Variants in OR7E24 observed in about 807,000 individuals in gnomAD.
The protein encoded by OR7E24 is olfactory receptor 7E24.
For missense variants in OR7E24, 385 were observed against 410.3 expected (o/e 0.94, Z 0.53); for synonymous variants, 130 against 157.5 (o/e 0.83, Z 1.31).
chr19:9,236,632 A>T, the OR7E24 span, among the ~76,000 whole-genome samples: 15 of 151,898 alleles, frequency 9.9e-5, no homozygotes, highest in East Asian at 2.7e-3. Context: ...TCTGCTGAAG[A>T]GCTCTCTCAG....
At chr19:9,246,466 TTGTGTGTGTG>T (rs34518365), upstream of OR7E24, among the ~76,000 whole-genome samples, 222 of 131,064 alleles carry the variant, frequency 1.7e-3, 2 homozygotes, top group East Asian at 6.2e-3. Context: ...CTTAAAGGTA[TTGTGTGTGTG>T]TGTGTGTGTG....
At chr19:9,237,480 T>G in the OR7E24 span, among the ~76,000 whole-genome samples, 1 of 150,948 alleles carries the variant, frequency 6.6e-6, no homozygotes, top group Non-Finnish European at 1.5e-5. Context: ...CTGGGTAATT[T>G]TTTGTATTTT....
chr19:9,236,960 C>G, the OR7E24 span, among the ~76,000 whole-genome samples: 1 of 152,148 alleles, frequency 6.6e-6, no homozygotes, highest in South Asian at 2.1e-4. Context: ...GTTATTTTCT[C>G]TCATTCACTC....
rs371305730 is a variant in OR7E24 at position 9,251,807 on chromosome 19, C to G, written c.764C>G (p.Ala255Gly). ...CCAACATCAGATGGGAAGTATAAAG[C>G]CTTCTCCACCTGTGGCTCTCACCTG... ...RVPTSDGKYKAFSTCGSHLAV... is the reference protein window; with the variant it reads ...RVPTSDGKYKGFSTCGSHLAV... The change falls in exon 1 of 1, where the codon GCC (alanine) becomes GGC (glycine). Residue 255 changes from alanine (A) to glycine (G), a missense_variant. Physicochemically the swap from Ala to Gly is moderately conservative, Grantham distance 60. Coordinates refer to ENST00000456448, the MANE Select transcript of OR7E24 (RefSeq NM_001079935.2). The G allele has an allele frequency of 1.2e-6, 2 of 1,613,222 alleles. No individual in the cohort carries two copies. The highest frequency in any genetic ancestry group is 2.2e-5 in the East Asian group (1 of 44,876).
upstream of OR7E24, among the ~76,000 whole-genome samples, chr19:9,243,120 G>C (rs547558625): frequency 3.3e-5 from 5 of 152,256 alleles, no homozygotes; most frequent in African/African-American, 1.2e-4. Context: ...GACTGTGTTT[G>C]GGATGCAGTT....
At chr19:9,235,990 C>G in the OR7E24 span, 1 of 1,612,234 alleles carries the variant, frequency 6.2e-7, no homozygotes, top group South Asian at 1.1e-5. Context: ...CATGGTCACC[C>G]CCATGCTGAA....
At chr19:9,238,404 A>G in the OR7E24 span, among the ~76,000 whole-genome samples, 1 of 152,178 alleles carries the variant, frequency 6.6e-6, no homozygotes, top group African/African-American at 2.4e-5. Context: ...TATATCTGCT[A>G]TGAATCAATG....
upstream of OR7E24, among the ~76,000 whole-genome samples, chr19:9,249,180 G>C (rs779339703): frequency 5.3e-5 from 8 of 152,156 alleles, no homozygotes; most frequent in Non-Finnish European, 1.0e-4. Flanking sequence ...TCTCTGACAG[G>C]ACATTTAATT....
At chr19:9,206,965 T>G in the OR7E24 span, 1 of 152,162 alleles carries the variant, frequency 6.6e-6, no homozygotes, top group Non-Finnish European at 1.5e-5. Context: ...TGAGAGGTTT[T>G]AAAAGCACCA....
upstream of OR7E24, among the ~76,000 whole-genome samples, chr19:9,243,496 G>A (rs559227812): frequency 1.3e-5 from 2 of 151,998 alleles, no homozygotes; most frequent in East Asian, 3.9e-4. Context: ...ACCCAGTTAG[G>A]GGGTCTCTCT....
chr19:9,214,488 AC>A, the OR7E24 span: 1 of 1,614,196 alleles, frequency 6.2e-7, no homozygotes, highest in South Asian at 1.1e-5. Context: ...ATAGGCCATC[AC>A]GGCCAGTAGG....
At chr19:9,231,546 C>T in the OR7E24 span, among the ~76,000 whole-genome samples, 1 of 151,962 alleles carries the variant, frequency 6.6e-6, no homozygotes, top group Non-Finnish European at 1.5e-5. Flanking sequence ...CGCCACTGCG[C>T]TCCAGCCTAG....
At chr19:9,231,226 G>A in the OR7E24 span, among the ~76,000 whole-genome samples, 1 of 152,062 alleles carries the variant, frequency 6.6e-6, no homozygotes, top group African/African-American at 2.4e-5. Flanking sequence ...CCCGGCCTGA[G>A]AAATGCTATA....
chr19:9,211,591 T>C, the OR7E24 span: 1 of 152,094 alleles, frequency 6.6e-6, no homozygotes, highest in African/African-American at 2.4e-5. Flanking sequence ...ATGCCTGTAA[T>C]CCCAGCACTT....
chr19:9,218,992 G>T, the OR7E24 span, among the ~76,000 whole-genome samples: 1 of 151,982 alleles, frequency 6.6e-6, no homozygotes, highest in African/African-American at 2.4e-5. Flanking sequence ...AGAAATAATT[G>T]TATTATTTCT....
the OR7E24 span, among the ~76,000 whole-genome samples, chr19:9,239,965 C>T: frequency 6.6e-6 from 1 of 152,098 alleles, no homozygotes; most frequent in Non-Finnish European, 1.5e-5. Context: ...CTTGGCCTCC[C>T]AAAGTGCTGG....
chr19:9,243,956 T>C (rs749928480), upstream of OR7E24, among the ~76,000 whole-genome samples: 10 of 152,180 alleles, frequency 6.6e-5, no homozygotes, highest in African/African-American at 9.7e-5. Context: ...CCAGTCCCTG[T>C]GCAGGAGCCT....
the OR7E24 span, chr19:9,207,222 A>C: frequency 2.6e-5 from 4 of 152,346 alleles, no homozygotes; most frequent in East Asian, 7.7e-4. Context: ...ACTGAAAGGG[A>C]AAATAGAAAA....
chr19:9,221,146 C>T, the OR7E24 span, among the ~76,000 whole-genome samples: 2 of 150,914 alleles, frequency 1.3e-5, no homozygotes, highest in Non-Finnish European at 3.0e-5. Context: ...GTGGCGGGCG[C>T]CTGTAGTCCC....
Sources: allele counts gnomAD v4.1 joint callset (sites outside exome capture counted in the v4.1 genomes callset), GRCh38; gene constraint gnomAD v4.1.1; transcripts MANE v1.5; gene names NCBI Gene and HGNC (gene_info 2026-07-23, HGNC 2026-07-21).